The following ZFP28 variants were observed in gnomAD, a reference collection of about 807,000 sequenced individuals.
ZFP28 encodes the protein zinc finger protein 28 homolog.
A neutral mutation model predicts 39.5 loss-of-function variants in ZFP28; 31 were observed. The observed-to-expected ratio is 0.79, with a 90% CI of 0.59 to 1.06. ZFP28 has a LOEUF of 1.06. Ranked by LOEUF, ZFP28 falls within the 50% of genes least tolerant of loss-of-function variation. ZFP28 has a pLI of 0.00. For synonymous variants in ZFP28, 400 were observed against 378.6 expected, an observed-to-expected ratio of 1.06 and a Z score of -0.66; for missense variants, 925 against 1,048.4, an observed-to-expected ratio of 0.88 and a Z score of 1.63.
At chr19:56,541,340 CAGA>C (rs1307395801) in intron 2 of ZFP28, among the ~76,000 whole-genome samples, 6 of 152,088 alleles carry the variant, frequency 3.9e-5, no homozygotes, top group Admixed American at 1.3e-4. Context: ...AAATTATGTG[CAGA>C]ATCTGGCAGT....
intron 6 of ZFP28, 145 bp from the exon 7 acceptor site, chr19:56,550,365 C>T (rs185733015): frequency 1.4e-4 from 122 of 874,590 alleles, no homozygotes; most frequent in South Asian, 4.6e-4. Flanking sequence ...AGGCTTGAAG[C>T]GTTATCTTCT....
At chr19:56,538,403 C>T (rs896248510), upstream of ZFP28, 3 of 153,174 alleles carry the variant, frequency 2.0e-5, no homozygotes, top group African/African-American at 7.2e-5. Flanking sequence ...GGTCCCACCC[C>T]TCGCCGCAAG....
At position 56,547,417 on chromosome 19, in the gene ZFP28, T is replaced by C; in HGVS notation, c.301-91T>C. 6.3e-7 allele frequency: 1 copy of C among 1,585,886 alleles called. No homozygotes were observed. The highest frequency in any genetic ancestry group is 2.2e-5 in the East Asian group (1 of 44,756). On this transcript the variant is annotated intron_variant, in intron 2 of 7. Transcript: ENST00000301318. The surrounding 1 kb of genome is among the most constrained non-coding windows in gnomAD (Gnocchi z 4.6). ...GATTAGGAGTTTAATGTAGGAGTTT[T>C]GTCAGGGGACACATTTCTTTCTATA...
chr19:56,538,822 C>T (rs1366146875), upstream of ZFP28: 1 of 18,302 alleles, frequency 5.5e-5, no homozygotes. Flanking sequence ...CGGGGCGGGG[C>T]GGGGCGGGGC....
intron 2 of ZFP28, among the ~76,000 whole-genome samples, chr19:56,540,777 A>G (rs1423669295): frequency 6.6e-6 from 1 of 152,218 alleles, no homozygotes; most frequent in African/African-American, 2.4e-5. Flanking sequence ...GTAAAACTTC[A>G]GTTACAAAAC....
intron 2 of ZFP28, chr19:56,546,718 G>A (rs1050186732): frequency 6.6e-6 from 1 of 151,976 alleles, no homozygotes; most frequent in African/African-American, 2.4e-5. Flanking sequence ...ATGCTTTGAG[G>A]TTCATCTCAA....
In ZFP28 at chr19:56,549,121, G is replaced by C. The variant is rs1223208900; in HGVS notation, c.687G>C (p.Pro229=). 1 of 1,597,078 alleles carries C rather than the reference G, an allele frequency of 6.3e-7. No individual in the cohort carries two copies. Among genetic ancestry groups the C allele is most frequent in the East Asian group, 2.3e-5 (1 of 44,316 alleles). The change falls in exon 5 of 8, where the codon CCG becomes CCC. Residue 229 remains proline (P), a splice_region_variant and synonymous_variant. Coordinates refer to ENST00000301318, the MANE Select transcript of ZFP28 (RefSeq NM_020828.2). The part of the protein sequence containing the change: ...WDYDALFETQ[P]GLVTIKNLAV... ...ATGATGCTCTGTTTGAGACACAGCC[G>C]GTAAGTCACAAGACAAATTTCAGGC...
In ZFP28 at chr19:56,547,418, G is replaced by T; in HGVS notation, c.301-90G>T. On this transcript the variant is annotated intron_variant, in intron 2 of 7. Coordinates refer to ENST00000301318, the MANE Select transcript of ZFP28 (RefSeq NM_020828.2). The surrounding 1 kb of genome is among the most constrained non-coding windows in gnomAD (Gnocchi z 4.6). ...ATTAGGAGTTTAATGTAGGAGTTTT[G>T]TCAGGGGACACATTTCTTTCTATAA... 1.3e-6 allele frequency: 2 copies of T among 1,588,910 alleles called. No individual in the cohort carries two copies.
chr19:56,554,467 A>G lies in ZFP28; in HGVS notation c.1682A>G (p.Tyr561Cys). 1 of 1,614,204 alleles carries G rather than the reference A, an allele frequency of 6.2e-7. No homozygotes were observed. Among genetic ancestry groups the G allele is most frequent in the Non-Finnish European group, 8.5e-7 (1 of 1,180,030 alleles). ...HQRIHTGEKP[Y>C]ECDVCRKAFS... ...AGGATTCATACCGGAGAAAAACCAT[A>G]TGAATGTGATGTTTGCAGAAAAGCC... Residue 561 changes from tyrosine (Y) to cysteine (C), a missense_variant, in exon 8 of 8, where the codon TAT becomes TGT. Physicochemically the swap from Tyr to Cys is radical, Grantham distance 194 (BLOSUM62 -2). This residue lies in a region of ZFP28 where 369 missense variants were observed against 505.5 expected (regional missense o/e 0.73). Transcript: ENST00000301318. This position sits in a 1 kb window ranked among gnomAD's most constrained non-coding sequence, Gnocchi z 6.7.
chr19:56,539,298 T>C (rs2044172264), intron 1 of ZFP28, 72 bp downstream of exon 1: 2 of 1,451,732 alleles, frequency 1.4e-6, no homozygotes, highest in Non-Finnish European at 9.2e-7. Context: ...TGGGAGGGGG[T>C]TGGGCTCTCG....
chr19:56,556,224 A>T lies in ZFP28; in HGVS notation c.*832A>T, dbSNP rs2044350185. 1.3e-5 allele frequency: 2 copies of T among 152,256 alleles called. No homozygotes were observed. Among genetic ancestry groups the T allele is most frequent in the African/African-American group, 4.8e-5 (2 of 41,466 alleles). The allele number at this position is 152,256 out of a possible 1,614,324, so 9.4% of individuals were successfully genotyped here. A position where few individuals can be genotyped will look rare whatever the true frequency, so the allele number is the denominator to read the frequency against. On this transcript the variant is annotated 3_prime_UTR_variant, in exon 8 of 8. Transcript: ENST00000301318. The stretch of plus-strand genomic sequence containing the variant: ...AAGTGAAAAGAATATTTTCAACATG[A>T]AAATTATATGAAATTTAAGTTTTGG...
intron 7 of ZFP28, chr19:56,552,352 A>T (rs962462951): frequency 6.6e-6 from 1 of 152,186 alleles, no homozygotes; most frequent in Non-Finnish European, 1.5e-5. Context: ...CATCATCACC[A>T]ATATGGGTAT....
At position 56,550,529 on chromosome 19, in the gene ZFP28, A is replaced by G; in HGVS notation, c.822A>G (p.Pro274=). The part of the protein sequence containing the change: ...LGSAGHCVAK[P]DLVSLLEQEK... Reference sequence around the variant, plus strand: ...TTTCAGGACATTGTGTGGCTAAGCCAGATTTAGTCTCTTTACTAGAGCAAG... The same window carrying G: ...TTTCAGGACATTGTGTGGCTAAGCCGGATTTAGTCTCTTTACTAGAGCAAG... The change falls in exon 7 of 8, where the codon CCA becomes CCG. Residue 274 remains proline, a synonymous_variant. Coordinates refer to ENST00000301318, the MANE Select transcript of ZFP28 (RefSeq NM_020828.2). 6.2e-7 allele frequency: 1 copy of G among 1,614,038 alleles called. No homozygotes were observed. Among genetic ancestry groups the G allele is most frequent in the Non-Finnish European group, 8.5e-7 (1 of 1,180,018 alleles).
At chr19:56,540,580 A>C (rs1258726935) in intron 2 of ZFP28, among the ~76,000 whole-genome samples, 1 of 152,218 alleles carries the variant, frequency 6.6e-6, no homozygotes, top group African/African-American at 2.4e-5. Flanking sequence ...GCAGTGCTCA[A>C]TTCTTAGTCT....
At position 56,556,101 on chromosome 19, in the gene ZFP28, A is replaced by G. The variant is rs1319757190; in HGVS notation, c.*709A>G. 6 of 152,270 alleles carry G rather than the reference A, an allele frequency of 3.9e-5. No homozygotes were observed. Among genetic ancestry groups the G allele is most frequent in the Non-Finnish European group, 7.3e-5 (5 of 68,058 alleles). 9.4% of individuals were successfully genotyped at this position (152,270 alleles called of 1,614,324 possible). The stretch of plus-strand genomic sequence containing the variant: ...TCATTGTGAGGTAAACTGATCCAGA[A>G]TAGGGGTCAGCAAACTATGACTCAT... On this transcript the variant is annotated 3_prime_UTR_variant, in exon 8 of 8. Coordinates refer to ENST00000301318, the MANE Select transcript of ZFP28 (RefSeq NM_020828.2).
intron 5 of ZFP28, among the ~76,000 whole-genome samples, chr19:56,549,833 TGTAA>T (rs1417976621): frequency 6.6e-6 from 1 of 152,220 alleles, no homozygotes; most frequent in East Asian, 1.9e-4. Context: ...TCATACTGTG[TGTAA>T]GTATGACAAA....
In ZFP28 at chr19:56,539,024, G is replaced by T. The variant is rs1568482776; in HGVS notation, c.6G>T (p.Arg2=). Residue 2 remains arginine (R), a synonymous_variant, in exon 1 of 8, where the codon CGG becomes CGT. Coordinates refer to ENST00000301318, the MANE Select transcript of ZFP28 (RefSeq NM_020828.2). ...GTCGCGCGGCCTCGGGTGACATGCGGGGGGCGGCGAGCGCGAGTGTCCGCG... is the reference window on the plus strand; with the variant it reads ...GTCGCGCGGCCTCGGGTGACATGCGTGGGGCGGCGAGCGCGAGTGTCCGCG... M[R]GAASASVREP... 2 of 1,432,674 alleles carry T rather than the reference G, an allele frequency of 1.4e-6. No homozygotes were observed. The highest frequency in any genetic ancestry group is 2.8e-5 in the Admixed American group (1 of 35,972). 88.7% of individuals were successfully genotyped at this position (1,432,674 alleles called of 1,614,324 possible). A position where few individuals can be genotyped will look rare whatever the true frequency, so the allele number is the denominator to read the frequency against.
At position 56,539,348 on chromosome 19, in the gene ZFP28, GCTGGTGGAGTGGGAGAAT is replaced by G. The variant is rs2044172956; in HGVS notation, c.208+126_208+143del. 11 of 1,088,428 alleles carry G rather than the reference GCTGGTGGAGTGGGAGAAT, an allele frequency of 1.0e-5. No homozygotes were observed. The South Asian group carries it at 1.5e-4, about 15-fold the overall frequency. The allele number at this position is 1,088,428 out of a possible 1,614,324, so 67.4% of individuals were successfully genotyped here. A position where few individuals can be genotyped will look rare whatever the true frequency, so the allele number is the denominator to read the frequency against. The stretch of plus-strand genomic sequence containing the variant: ...GAGAACTGTGCCCCTGGTCTTTGAA[GCTGGTGGAGTGGGAGAAT>G]CTGAAGATTTGGAAGCTCAACTGAT... On this transcript the variant is annotated intron_variant, in intron 1 of 7. Coordinates refer to ENST00000301318, the MANE Select transcript of ZFP28 (RefSeq NM_020828.2).
chr19:56,544,443 C>G (rs1214758946), intron 2 of ZFP28: 1 of 152,272 alleles, frequency 6.6e-6, no homozygotes, highest in Non-Finnish European at 1.5e-5. Context: ...TTATCTATGA[C>G]TGCTTTTGTG....
Sources: gnomAD v4.1 joint callset for allele counts (sites outside exome capture counted in the v4.1 genomes callset) on GRCh38, gnomAD v4.1.1 for gene constraint, gnomAD v4.1.1 regional missense constraint, Gnocchi (gnomAD v3.1) non-coding constraint, MANE v1.5 for transcripts, NCBI Gene and HGNC (gene_info 2026-07-23, HGNC 2026-07-21) for gene names.